Variants in TBX5 observed in about 807,000 individuals in gnomAD.
TBX5 encodes T-box transcription factor TBX5.
TBX5 carries 8 observed loss-of-function variants against 51.1 expected under a neutral mutation model. The ratio of observed to expected loss-of-function variants is 0.16; its 90% CI spans 0.09 to 0.28. TBX5 has a LOEUF of 0.28. TBX5 is among the 10% of genes least tolerant of loss of function. The pLI, the probability that TBX5 is intolerant of heterozygous loss-of-function variation, is 1.00. For synonymous variants in TBX5, 302 were observed against 266.4 expected (o/e 1.13, Z -1.30); for missense variants, 589 against 671.7 (o/e 0.88, Z 1.36).
chr12:114,402,299 C>A (rs144366701), intron 2 of TBX5, among the ~76,000 whole-genome samples: 45 of 152,022 alleles, frequency 3.0e-4, no homozygotes, highest in African/African-American at 9.2e-4. Context: ...AAAACCAGAG[C>A]CAATTTCAAT....
At chr12:114,401,115 C>G (rs958870451) in intron 3 of TBX5, among the ~76,000 whole-genome samples, 4 of 152,194 alleles carry the variant, frequency 2.6e-5, no homozygotes, top group African/African-American at 4.8e-5. Context: ...CACTGACATA[C>G]AGAGCTGCAC....
At chr12:114,403,642 G>A in intron 2 of TBX5, 110 bp downstream of exon 2, 1 of 1,475,242 alleles carries the variant, frequency 6.8e-7, no homozygotes, top group Non-Finnish European at 9.1e-7. Flanking sequence ...GGTTCGTTTT[G>A]GGGTTTTTTT....
intron 6 of TBX5, among the ~76,000 whole-genome samples, chr12:114,386,313 A>G (rs1327260180): frequency 1.3e-5 from 2 of 152,154 alleles, no homozygotes; most frequent in African/African-American, 4.8e-5. Context: ...TAATCCATCA[A>G]CGCATTATAT....
intron 8 of TBX5, among the ~76,000 whole-genome samples, chr12:114,356,928 C>A (rs1442831040): frequency 6.6e-6 from 1 of 152,270 alleles, no homozygotes; most frequent in African/African-American, 2.4e-5. Context: ...AGTAGTCTGA[C>A]CACAAAGCCC....
At chr12:114,369,872 C>T (rs1056914059) in intron 7 of TBX5, among the ~76,000 whole-genome samples, 1 of 151,936 alleles carries the variant, frequency 6.6e-6, no homozygotes. Context: ...GTTCCAGCCA[C>T]CGTACTGCTT....
chr12:114,356,989 A>ATGAT (rs1868952852), intron 8 of TBX5, among the ~76,000 whole-genome samples: 3 of 112,104 alleles, frequency 2.7e-5, no homozygotes, highest in African/African-American at 4.3e-5. Flanking sequence ...AAATATTTGT[A>ATGAT]CGATGGATGG....
chr12:114,379,886 C>G (rs1870412447), intron 7 of TBX5, among the ~76,000 whole-genome samples: 1 of 152,150 alleles, frequency 6.6e-6, no homozygotes, highest in African/African-American at 2.4e-5. Flanking sequence ...CCTCAGTTTC[C>G]CATTCTGCAA....
At position 114,355,774 on chromosome 12, in the gene TBX5, G is replaced by A. The variant is rs1157458121; in HGVS notation, c.1315C>T (p.Leu439=). The change falls in exon 9 of 9, where the codon CTG becomes TTG. Residue 439 remains leucine, a synonymous_variant. Transcript: ENST00000405440. ...GAGCCATGGTTGGCCATGCCAGCCA[G>A]CCGAGGGACCAGGGGCCCCGAGGTG... The part of the protein sequence containing the change: ...HFTSGPLVPR[L]AGMANHGSPQ... 2.5e-6 allele frequency: 4 copies of A among 1,614,014 alleles called. No homozygotes were observed. Among genetic ancestry groups the A allele is most frequent in the Non-Finnish European group, 3.4e-6 (4 of 1,180,024 alleles).
intron 8 of TBX5, among the ~76,000 whole-genome samples, chr12:114,357,683 C>T (rs1233271943): frequency 1.3e-5 from 2 of 152,194 alleles, no homozygotes; most frequent in Non-Finnish European, 2.9e-5. Context: ...AAAGTATTCC[C>T]TTCAGGGGAA....
At chr12:114,356,992 ATGGATGG>A (rs1461356030) in intron 8 of TBX5, among the ~76,000 whole-genome samples, 2 of 25,112 alleles carry the variant, frequency 8.0e-5, no homozygotes, top group Middle Eastern at 0.023. Context: ...TATTTGTACG[ATGGATGG>A]ATGGATGGAT....
At position 114,368,296 on chromosome 12, in the gene TBX5, T is replaced by A. The variant is rs553922657; in HGVS notation, c.756-1905A>T. On this transcript the variant is annotated intron_variant, in intron 7 of 8. Coordinates refer to ENST00000405440, the MANE Select transcript of TBX5 (RefSeq NM_181486.4). ...GCTGCAGTGAGCTATGACTGCACCA[T>A]TGCACTCCAGCCTGGGTGACAGAGT... 4.1e-3 allele frequency among the ~76,000 whole-genome samples: 617 copies of A among 152,188 alleles called. 2 individuals carry two copies. The highest frequency in any genetic ancestry group is 6.0e-3 in the Non-Finnish European group (410 of 68,022).
intron 5 of TBX5, among the ~76,000 whole-genome samples, chr12:114,395,643 T>A (rs1593876799): frequency 6.6e-6 from 1 of 152,112 alleles, no homozygotes; most frequent in Admixed American, 6.6e-5. Context: ...CTTTATCACG[T>A]TTCAGGATCC....
At chr12:114,376,667 A>AAT (rs909582939) in intron 7 of TBX5, among the ~76,000 whole-genome samples, 4 of 150,376 alleles carry the variant, frequency 2.7e-5, no homozygotes, top group African/African-American at 7.3e-5. Context: ...TATATATTAA[A>AAT]ATATATATAT....
At chr12:114,369,436 A>T (rs1392585491) in intron 7 of TBX5, among the ~76,000 whole-genome samples, 3 of 152,232 alleles carry the variant, frequency 2.0e-5, no homozygotes, top group African/African-American at 7.2e-5. Context: ...ACCGATCGTG[A>T]ACATCTCTGT....
At chr12:114,399,436 T>C (rs970292466) in intron 4 of TBX5, 77 bp downstream of exon 4, 54 of 1,596,904 alleles carry the variant, frequency 3.4e-5, no homozygotes, top group Non-Finnish European at 4.4e-5. Flanking sequence ...AAAAGTTCAC[T>C]GATACAACTT....
At chr12:114,403,502 A>G (rs1320197395) in intron 2 of TBX5, among the ~76,000 whole-genome samples, 1 of 152,242 alleles carries the variant, frequency 6.6e-6, no homozygotes, top group Non-Finnish European at 1.5e-5. Context: ...ATAGATTTCA[A>G]AAATCCTTTG....
At chr12:114,375,916 G>A (rs1015745118) in intron 7 of TBX5, among the ~76,000 whole-genome samples, 11 of 152,018 alleles carry the variant, frequency 7.2e-5, no homozygotes, top group African/African-American at 2.4e-4. Context: ...ATGGTGGCAC[G>A]TGCCTGTAGT....
intron 6 of TBX5, among the ~76,000 whole-genome samples, chr12:114,392,240 C>A (rs1313704445): frequency 1.3e-5 from 2 of 150,590 alleles, no homozygotes; most frequent in Non-Finnish European, 2.9e-5. Context: ...GGCATTCATG[C>A]ACATCAATCA....
At chr12:114,388,314 C>T (rs193213735) in intron 6 of TBX5, among the ~76,000 whole-genome samples, 10 of 152,080 alleles carry the variant, frequency 6.6e-5, no homozygotes, top group East Asian at 5.8e-4. Context: ...CCTGCCACCA[C>T]GCCTGAGTAA....
Sources: gnomAD v4.1 joint callset for allele counts (sites outside exome capture counted in the v4.1 genomes callset) on GRCh38, gnomAD v4.1.1 for gene constraint, MANE v1.5 for transcripts, NCBI Gene and HGNC (gene_info 2026-07-23, HGNC 2026-07-21) for gene names.